The following MGAT4C variants were observed in gnomAD, a reference collection of about 807,000 sequenced individuals.
The protein encoded by MGAT4C is MGAT4 family member C, also known as alpha-1,3-mannosyl-glycoprotein 4-beta-N-acetylglucosaminyltransferase C.
In MGAT4C, 19 loss-of-function variants were observed where a neutral mutation model predicts 40.1. That is an observed-to-expected ratio of 0.47 (90% CI 0.33 to 0.70). MGAT4C has a LOEUF of 0.70. MGAT4C is among the 30% of genes least tolerant of loss of function. The pLI is 0.02. For missense variants in MGAT4C, 491 were observed against 563.2 expected, an observed-to-expected ratio of 0.87 and a Z score of 1.30; for synonymous variants, 181 against 187.1, an observed-to-expected ratio of 0.97 and a Z score of 0.27.
At chr12:86,516,247 T>C (rs746039373) in intron 2 of MGAT4C, among the ~76,000 whole-genome samples, 2 of 152,146 alleles carry the variant, frequency 1.3e-5, no homozygotes, top group South Asian at 2.1e-4. Context: ...TGCATTAGGA[T>C]AGACATAAAA....
At chr12:86,008,112 TATC>T (rs1486932338) in intron 2 of MGAT4C, among the ~76,000 whole-genome samples, 2 of 152,062 alleles carry the variant, frequency 1.3e-5, no homozygotes, top group Admixed American at 6.6e-5. Flanking sequence ...ATGGAAGTTT[TATC>T]ATCAATTGTC....
At chr12:86,330,718 T>G (rs868245191) in intron 4 of MGAT4C, among the ~76,000 whole-genome samples, 1 of 152,220 alleles carries the variant, frequency 6.6e-6, no homozygotes, top group African/African-American at 2.4e-5. Flanking sequence ...GATTACTTAT[T>G]ATATTACAGG....
intron 3 of MGAT4C, among the ~76,000 whole-genome samples, chr12:86,386,387 G>A (rs985323546): frequency 1.1e-4 from 16 of 152,210 alleles, no homozygotes; most frequent in African/African-American, 3.9e-4. Context: ...AAAAAATGGG[G>A]CCTGCCTCTG....
intron 4 of MGAT4C, among the ~76,000 whole-genome samples, chr12:86,278,317 T>C (rs1014992925): frequency 4.0e-5 from 6 of 151,808 alleles, no homozygotes; most frequent in Non-Finnish European, 5.9e-5. Flanking sequence ...TAGCTGGGAT[T>C]ACAGGTGTCT....
At chr12:86,520,354 G>A (rs1958771119) in intron 2 of MGAT4C, among the ~76,000 whole-genome samples, 2 of 152,126 alleles carry the variant, frequency 1.3e-5, no homozygotes, top group South Asian at 2.1e-4. Context: ...TGTTTGCTAA[G>A]GATGATGGCC....
chr12:86,431,565 G>A (rs1003880347), intron 3 of MGAT4C, among the ~76,000 whole-genome samples: 1 of 152,088 alleles, frequency 6.6e-6, no homozygotes, highest in African/African-American at 2.4e-5. Context: ...TGTCAAAAAT[G>A]CACTTAACAT....
chr12:85,979,807 A>G lies in MGAT4C; in HGVS notation c.919T>C (p.Ser307Pro). ...AQKNVIRFKP[S>P]LFQHMGYYSS... Reference sequence around the variant, plus strand: ...TAATAGCCCATGTGCTGAAAGAGAGATGGTTTAAAACGGATCACATTTTTC... The same window carrying G: ...TAATAGCCCATGTGCTGAAAGAGAGGTGGTTTAAAACGGATCACATTTTTC... Residue 307 changes from serine (S) to proline (P), a missense_variant, in exon 5 of 5, where the codon TCT (serine) becomes CCT (proline). Ser to Pro is a moderately conservative substitution (Grantham distance 74). Coordinates refer to ENST00000611864, the MANE Select transcript of MGAT4C (RefSeq NM_001351288.2). 6.2e-7 allele frequency: 1 copy of G among 1,613,732 alleles called. No homozygotes were observed. Among genetic ancestry groups the G allele is most frequent in the Non-Finnish European group, 8.5e-7 (1 of 1,179,814 alleles).
At chr12:86,508,054 T>A (rs1958502771) in intron 2 of MGAT4C, among the ~76,000 whole-genome samples, 2 of 145,646 alleles carry the variant, frequency 1.4e-5, no homozygotes, top group South Asian at 2.2e-4. Flanking sequence ...GTCTTTAATA[T>A]TTTTTTATTT....
intron 4 of MGAT4C, among the ~76,000 whole-genome samples, chr12:86,293,010 T>C (rs1467658719): frequency 6.6e-6 from 1 of 151,202 alleles, no homozygotes. Flanking sequence ...GTTAGAGATA[T>C]CAATAAACAA....
chr12:86,198,737 A>T (rs2135926038), intron 1 of MGAT4C, among the ~76,000 whole-genome samples: 1 of 152,302 alleles, frequency 6.6e-6, no homozygotes, highest in Middle Eastern at 3.4e-3. Flanking sequence ...GTTAACTTTA[A>T]TTCCATCTCT....
At chr12:86,449,494 C>T (rs1013383768) in intron 2 of MGAT4C, among the ~76,000 whole-genome samples, 1 of 151,992 alleles carries the variant, frequency 6.6e-6, no homozygotes, top group Non-Finnish European at 1.5e-5. Context: ...CTAACACATT[C>T]ATTGAGACAG....
At chr12:86,176,356 C>A (rs1217833238) in intron 1 of MGAT4C, among the ~76,000 whole-genome samples, 2 of 152,162 alleles carry the variant, frequency 1.3e-5, no homozygotes, top group African/African-American at 2.4e-5. Flanking sequence ...GGATTCAGCA[C>A]AAACATAGTC....
intron 3 of MGAT4C, among the ~76,000 whole-genome samples, chr12:86,412,670 C>T (rs1203375528): frequency 6.6e-6 from 1 of 152,112 alleles, no homozygotes; most frequent in Non-Finnish European, 1.5e-5. Context: ...GGATTGCAGA[C>T]TTCTGAGTTA....
intron 2 of MGAT4C, among the ~76,000 whole-genome samples, chr12:86,468,766 C>A (rs1957717608): frequency 6.6e-6 from 1 of 152,074 alleles, no homozygotes; most frequent in African/African-American, 2.4e-5. Flanking sequence ...TTTACCCCAT[C>A]TTTTTCTCTG....
chr12:86,509,316 G>C (rs928998064), intron 2 of MGAT4C, among the ~76,000 whole-genome samples: 1 of 152,056 alleles, frequency 6.6e-6, no homozygotes, highest in Non-Finnish European at 1.5e-5. Context: ...ATTTAATAGG[G>C]AATCCTTTCC....
intron 2 of MGAT4C, among the ~76,000 whole-genome samples, chr12:86,613,106 C>T (rs1467199820): frequency 6.6e-6 from 1 of 152,002 alleles, no homozygotes; most frequent in Non-Finnish European, 1.5e-5. Context: ...TAAACTTCTA[C>T]AATTATATAT....
At chr12:86,296,770 C>G (rs1245855496) in intron 4 of MGAT4C, among the ~76,000 whole-genome samples, 1 of 152,216 alleles carries the variant, frequency 6.6e-6, no homozygotes, top group Non-Finnish European at 1.5e-5. Flanking sequence ...CTGCTCGCGC[C>G]TCTCCCTCCA....
At chr12:86,476,164 C>G (rs964041599) in intron 2 of MGAT4C, among the ~76,000 whole-genome samples, 1 of 151,936 alleles carries the variant, frequency 6.6e-6, no homozygotes, top group East Asian at 1.9e-4. Flanking sequence ...AAAATGTAGA[C>G]CAAGGGTAGA....
chr12:86,591,627 G>T (rs1961335454), intron 2 of MGAT4C, among the ~76,000 whole-genome samples: 1 of 151,858 alleles, frequency 6.6e-6, no homozygotes, highest in South Asian at 2.1e-4. Flanking sequence ...ATGTTTTTAT[G>T]AAGATGATAT....
Sources: gnomAD v4.1 joint callset for allele counts (sites outside exome capture counted in the v4.1 genomes callset) on GRCh38, gnomAD v4.1.1 for gene constraint, MANE v1.5 for transcripts, NCBI Gene and HGNC (gene_info 2026-07-23, HGNC 2026-07-21) for gene names.